The following MYO10 variants were observed in gnomAD, a reference collection of about 807,000 sequenced individuals.
MYO10 encodes the protein myosin X, also known as unconventional myosin-X.
A neutral mutation model predicts 257.3 loss-of-function variants in MYO10; 133 were observed. The ratio of observed to expected loss-of-function variants is 0.52; its 90% CI spans 0.45 to 0.60. MYO10 has a LOEUF of 0.60. MYO10 is among the 20% of genes least tolerant of loss of function. The probability of loss-of-function intolerance (pLI) is 0.00; values close to 1 mark genes in which losing one functional copy is unlikely to be tolerated. For missense variants in MYO10, 2,399 were observed against 2,635.7 expected (o/e 0.91, Z 1.97); for synonymous variants, 1,104 against 1,028.6 (o/e 1.07, Z -1.40).
At chr5:16,681,741 T>A in intron 31 of MYO10, 130 bp downstream of exon 31, 1 of 1,234,942 alleles carries the variant, frequency 8.1e-7, no homozygotes, top group South Asian at 1.6e-5. Context: ...AAATTAAAAA[T>A]CACTTACAAA....
intron 2 of MYO10, among the ~76,000 whole-genome samples, chr5:16,835,541 G>T (rs1369437200): frequency 8.7e-6 from 1 of 114,786 alleles, no homozygotes; most frequent in Non-Finnish European, 1.7e-5. Flanking sequence ...AAGACAGCAA[G>T]ATGTCAGCTT....
chr5:16,834,606 G>C (rs961218732), intron 2 of MYO10, among the ~76,000 whole-genome samples: 2 of 152,178 alleles, frequency 1.3e-5, no homozygotes, highest in Admixed American at 1.3e-4. Context: ...TACATGATGA[G>C]GACTTTACGT....
At chr5:16,825,599 C>G (rs1742977197) in intron 2 of MYO10, among the ~76,000 whole-genome samples, 2 of 152,174 alleles carry the variant, frequency 1.3e-5, no homozygotes, top group South Asian at 4.1e-4. Context: ...GGAACCCAGC[C>G]CATCTTGTCC....
intron 2 of MYO10, among the ~76,000 whole-genome samples, chr5:16,827,653 A>C (rs953196554): frequency 1.3e-5 from 2 of 152,202 alleles, no homozygotes; most frequent in African/African-American, 4.8e-5. Flanking sequence ...TAGATAACAC[A>C]AAGATTGTTA....
rs1736583317 is a variant in MYO10 at position 16,673,735 on chromosome 5, G to T, written c.5119C>A (p.His1707Asn). Residue 1707 changes from histidine (H) to asparagine (N), a missense_variant, in exon 36 of 41, where the codon CAT becomes AAT. This residue lies in a region of MYO10 where 1,820 missense variants were observed against 1,939.4 expected (regional missense o/e 0.94). Transcript: ENST00000513610. Reference sequence around the variant, plus strand: ...GTGATCTTGCAGGAGCCGCCGCCATGGCAATAGACCGTGGATGTCATTTCC... The same window carrying T: ...GTGATCTTGCAGGAGCCGCCGCCATTGCAATAGACCGTGGATGTCATTTCC... ...RQEMTSTVYCHGGGSCKITIN... is the reference protein window; with the variant it reads ...RQEMTSTVYCNGGGSCKITIN... 1 of 1,613,844 alleles carries T rather than the reference G, an allele frequency of 6.2e-7. No homozygotes were observed. Among genetic ancestry groups the T allele is most frequent in the Non-Finnish European group, 8.5e-7 (1 of 1,179,914 alleles).
Position 16,670,600 on chromosome 5 carries a change from C to T in MYO10, c.5809G>A (p.Glu1937Lys). The change falls in exon 39 of 41, where the codon GAA becomes AAA. Residue 1937 changes from glutamate (E) to lysine (K), a missense_variant. Around this residue, in one of 3 missense-constraint regions of MYO10, gnomAD observed 1,820 missense variants for 1,939.4 expected, o/e 0.94. Coordinates refer to ENST00000513610, the MANE Select transcript of MYO10 (RefSeq NM_012334.3). Reference protein sequence around the residue: ...KWRKFQGMNQEQAMAKYMALI... With the variant: ...KWRKFQGMNQKQAMAKYMALI... ...GCCATGTACTTGGCCATGGCCTGTT[C>T]CTGGTTCATTCCCTGAAATTTCCTC... 1 of 1,613,980 alleles carries T rather than the reference C, an allele frequency of 6.2e-7. No homozygotes were observed. The highest frequency in any genetic ancestry group is 8.5e-7 in the Non-Finnish European group (1 of 1,179,884).
intron 30 of MYO10, 128 bp from the exon 31 acceptor site, chr5:16,682,141 G>T: frequency 8.9e-7 from 1 of 1,118,958 alleles, no homozygotes; most frequent in Non-Finnish European, 1.2e-6. Flanking sequence ...TAGGCTATCT[G>T]TGCTTTTATT....
Position 16,779,570 on chromosome 5 carries a change from T to C in MYO10, c.905A>G (p.Asp302Gly), listed in dbSNP as rs573719821. ...SGCVEDKTIS[D>G]QESFREVITA... ...AATAACTTCCCTAAAGGATTCCTGG[T>C]CACTGATTGTCTTGTCTTCTACACA... Residue 302 changes from aspartate to glycine, a missense_variant, in exon 9 of 41, where the codon GAC (aspartate) becomes GGC (glycine). Physicochemically the swap from Asp to Gly is moderately conservative, Grantham distance 94 (BLOSUM62 -1). Around this residue, in one of 3 missense-constraint regions of MYO10, gnomAD observed 337 missense variants for 446.8 expected, o/e 0.75. Coordinates refer to ENST00000513610, the MANE Select transcript of MYO10 (RefSeq NM_012334.3). 1.2e-5 allele frequency: 19 copies of C among 1,585,866 alleles called. No individual in the cohort carries two copies. In the South Asian group the frequency reaches 2.2e-4, roughly 19 times the overall value.
chr5:16,816,776 T>C (rs376153909), intron 3 of MYO10, among the ~76,000 whole-genome samples: 19 of 151,548 alleles, frequency 1.3e-4, no homozygotes, highest in Non-Finnish European at 2.5e-4. Context: ...GATCCGCCCG[T>C]CTCAGCCTCC....
At chr5:16,934,586 T>C (rs1168402847) in intron 1 of MYO10, among the ~76,000 whole-genome samples, 1 of 152,222 alleles carries the variant, frequency 6.6e-6, no homozygotes, top group Non-Finnish European at 1.5e-5. Flanking sequence ...TATTTCACTT[T>C]TTTTAAGAAA....
At chr5:16,776,162 G>A (rs1161989048) in intron 9 of MYO10, among the ~76,000 whole-genome samples, 1 of 152,096 alleles carries the variant, frequency 6.6e-6, no homozygotes, top group African/African-American at 2.4e-5. Context: ...CTCCCAAAGT[G>A]CTGACATTAC....
intron 19 of MYO10, among the ~76,000 whole-genome samples, chr5:16,714,144 TTAGA>T (rs1182976434): frequency 6.6e-6 from 1 of 152,230 alleles, no homozygotes; most frequent in African/African-American, 2.4e-5. Flanking sequence ...ACATCAGTAC[TTAGA>T]TAGCGGAAAG....
intron 10 of MYO10, among the ~76,000 whole-genome samples, chr5:16,767,809 C>T (rs1431214998): frequency 6.6e-6 from 1 of 152,026 alleles, no homozygotes. Flanking sequence ...TCCCAAGTAG[C>T]TGGAATTACA....
At position 16,667,080 on chromosome 5, in the gene MYO10, C is replaced by G. The variant is rs574452608; in HGVS notation, c.6076-287G>C. Among the ~76,000 whole-genome samples, 41 of 152,298 alleles carry G rather than the reference C, an allele frequency of 2.7e-4. 1 individual carries two copies. In the South Asian group the frequency reaches 6.8e-3, roughly 25 times the overall value. ...TTGCACATTAAAATCCAGAACTAACCGAGGACGCTGAAGTTACTCGGTGTC... is the reference window on the plus strand; with the variant it reads ...TTGCACATTAAAATCCAGAACTAACGGAGGACGCTGAAGTTACTCGGTGTC... On this transcript the variant is annotated intron_variant, in intron 40 of 40. Transcript: ENST00000513610.
intron 15 of MYO10, 115 bp downstream of exon 15, chr5:16,762,430 T>C: frequency 1.2e-6 from 1 of 844,156 alleles, no homozygotes; most frequent in South Asian, 1.8e-5. Context: ...GGTTTGAGAA[T>C]AAATGTTCAA....
intron 2 of MYO10, among the ~76,000 whole-genome samples, chr5:16,822,861 G>A (rs1467187963): frequency 2.0e-5 from 3 of 151,748 alleles, no homozygotes; most frequent in Admixed American, 6.5e-5. Context: ...CTAATTTTTT[G>A]TATTTTTAGT....
In MYO10 at chr5:16,781,748, G is replaced by A. The variant is rs1193444628; in HGVS notation, c.684C>T (p.Asn228=). 8.7e-6 allele frequency: 14 copies of A among 1,613,800 alleles called. No individual in the cohort carries two copies. In the Admixed American group the frequency reaches 1.0e-4, roughly 12 times the overall value. ...SSRFGKFVQL[N]ICQKGNIQGG... is the part of the protein sequence containing the mutation. ...CCTGAATATTTCCTTTCTGACAGAT[G>A]TTCAGCTGAACAAACTTCCCAAAGC... Residue 228 remains asparagine, a synonymous_variant, in exon 6 of 41, where the codon AAC becomes AAT. Transcript: ENST00000513610.
chr5:16,867,244 T>C (rs1266973523), intron 2 of MYO10, among the ~76,000 whole-genome samples: 1 of 152,220 alleles, frequency 6.6e-6, no homozygotes, highest in African/African-American at 2.4e-5. Flanking sequence ...CACTGGGTTC[T>C]AGTTGCCCAA....
Position 16,710,405 on chromosome 5 carries a change from A to G in MYO10, c.2169+503T>C, listed in dbSNP as rs894453086. 6.4e-4 allele frequency among the ~76,000 whole-genome samples: 98 copies of G among 152,228 alleles called. 2 individuals carry two copies. The highest frequency in any genetic ancestry group is 2.3e-3 in the African/African-American group (96 of 41,462). On this transcript the variant is annotated intron_variant, in intron 21 of 40. Transcript: ENST00000513610. ...GGGGTTAAGGAGCCTCTGCCCCAAC[A>G]GCATCTTCAAACGTAGATTTTCCTT... is the stretch of plus-strand genomic sequence containing the variant.
Sources: gnomAD v4.1 joint callset for allele counts (sites outside exome capture counted in the v4.1 genomes callset) on GRCh38, gnomAD v4.1.1 for gene constraint, gnomAD v4.1.1 regional missense constraint, MANE v1.5 for transcripts, NCBI Gene and HGNC (gene_info 2026-07-23, HGNC 2026-07-21) for gene names.